The following CHCHD3 variants were observed in gnomAD, a reference collection of about 807,000 sequenced individuals.
CHCHD3 encodes coiled-coil-helix-coiled-coil-helix domain containing 3.
Under a neutral mutation model 38.2 loss-of-function variants are expected in CHCHD3, and 20 were observed. The ratio of observed to expected loss-of-function variants is 0.52; its 90% CI spans 0.37 to 0.76. The LOEUF (loss-of-function observed/expected upper bound fraction) is 0.76, where lower values mean the gene tolerates loss of function less well. Ranked by LOEUF, CHCHD3 falls within the 30% of genes least tolerant of loss-of-function variation. The pLI is 0.00. For synonymous variants in CHCHD3, 82 were observed against 100.0 expected, an observed-to-expected ratio of 0.82 and a Z score of 1.07; for missense variants, 245 against 279.2, an observed-to-expected ratio of 0.88 and a Z score of 0.87.
chr7:132,865,970 T>C (rs550945163), intron 5 of CHCHD3, among the ~76,000 whole-genome samples: 2 of 152,280 alleles, frequency 1.3e-5, no homozygotes, highest in East Asian at 3.9e-4. Flanking sequence ...AGTTTGCTGT[T>C]TACTCATATA....
chr7:133,051,035 T>G (rs1814148401), intron 2 of CHCHD3, among the ~76,000 whole-genome samples: 2 of 152,018 alleles, frequency 1.3e-5, no homozygotes, highest in Non-Finnish European at 2.9e-5. Flanking sequence ...AATAAAATCT[T>G]ATAATTACTG....
chr7:133,036,643 G>A (rs1813685492), intron 2 of CHCHD3, among the ~76,000 whole-genome samples: 1 of 152,170 alleles, frequency 6.6e-6, no homozygotes, highest in African/African-American at 2.4e-5. Context: ...GTGTTCTCCT[G>A]ACTACCCTCT....
chr7:133,045,851 C>T (rs1306636351), intron 2 of CHCHD3, among the ~76,000 whole-genome samples: 3 of 152,016 alleles, frequency 2.0e-5, no homozygotes, highest in Admixed American at 1.3e-4. Flanking sequence ...TGGCACCTCT[C>T]GCTGCCCCTC....
intron 5 of CHCHD3, among the ~76,000 whole-genome samples, chr7:132,866,608 A>G (rs1808631907): frequency 6.6e-6 from 1 of 152,214 alleles, no homozygotes; most frequent in African/African-American, 2.4e-5. Flanking sequence ...AATTTTTAAA[A>G]TACTTCAATA....
At chr7:133,032,337 G>A (rs543122644) in intron 2 of CHCHD3, among the ~76,000 whole-genome samples, 178 of 152,224 alleles carry the variant, frequency 1.2e-3, no homozygotes, top group African/African-American at 4.0e-3. Flanking sequence ...GGCTACTTAC[G>A]CATTAAAGTT....
intron 5 of CHCHD3, among the ~76,000 whole-genome samples, chr7:132,863,347 A>G (rs1407848099): frequency 2.6e-5 from 4 of 152,232 alleles, no homozygotes; most frequent in Non-Finnish European, 5.9e-5. Context: ...AATACTTTAA[A>G]TGGAAAATGT....
intron 4 of CHCHD3, among the ~76,000 whole-genome samples, chr7:132,898,015 GGTGA>G (rs1809548255): frequency 6.6e-6 from 1 of 152,038 alleles, no homozygotes; most frequent in South Asian, 2.1e-4. Context: ...AGACCTTCGC[GGTGA>G]GTGTTACAGC....
intron 5 of CHCHD3, among the ~76,000 whole-genome samples, chr7:132,877,857 G>A (rs1014727370): frequency 1.4e-4 from 22 of 152,236 alleles, no homozygotes; most frequent in African/African-American, 5.1e-4. Context: ...AGGTTGACAA[G>A]TGCAAACTAG....
At chr7:132,825,332 C>T (rs540064340) in intron 6 of CHCHD3, among the ~76,000 whole-genome samples, 2 of 152,288 alleles carry the variant, frequency 1.3e-5, no homozygotes, top group Admixed American at 1.3e-4. Context: ...CAGAAAAGAA[C>T]TCCCAAGACA....
intron 5 of CHCHD3, among the ~76,000 whole-genome samples, chr7:132,866,009 G>C (rs1030283498): frequency 1.3e-5 from 2 of 152,070 alleles, no homozygotes; most frequent in Non-Finnish European, 2.9e-5. Flanking sequence ...AGTTGATCAC[G>C]ACCCCTCATT....
At chr7:132,882,713 T>C (rs898253208) in intron 5 of CHCHD3, among the ~76,000 whole-genome samples, 2 of 152,082 alleles carry the variant, frequency 1.3e-5, no homozygotes, top group African/African-American at 4.8e-5. Context: ...TTCTTGAACC[T>C]GACAATAATT....
intron 3 of CHCHD3, among the ~76,000 whole-genome samples, chr7:133,008,103 T>C (rs886115934): frequency 3.9e-5 from 6 of 152,202 alleles, no homozygotes; most frequent in Admixed American, 3.9e-4. Context: ...ATAAGAATAG[T>C]GCAACCAATT....
At chr7:132,988,100 T>A (rs1368572701) in intron 3 of CHCHD3, among the ~76,000 whole-genome samples, 1 of 152,140 alleles carries the variant, frequency 6.6e-6, no homozygotes, top group Non-Finnish European at 1.5e-5. Context: ...TAGTTCAGTT[T>A]TTAGGGAGCC....
At chr7:132,911,401 G>A (rs1241843568) in intron 4 of CHCHD3, among the ~76,000 whole-genome samples, 2 of 152,114 alleles carry the variant, frequency 1.3e-5, no homozygotes, top group African/African-American at 4.8e-5. Flanking sequence ...GAAGGACAAG[G>A]ACTATTCATA....
chr7:133,027,361 G>A (rs114399703), intron 2 of CHCHD3, among the ~76,000 whole-genome samples: 1,843 of 110,488 alleles, frequency 0.017, 35 homozygotes, highest in African/African-American at 0.053. Flanking sequence ...TTAATAAGTT[G>A]TAAGAGAGAG....
At chr7:132,993,296 T>C (rs909712984) in intron 3 of CHCHD3, among the ~76,000 whole-genome samples, 20 of 152,206 alleles carry the variant, frequency 1.3e-4, no homozygotes. Context: ...CTTCCCTTTA[T>C]CTCCTTCTGG....
intron 5 of CHCHD3, among the ~76,000 whole-genome samples, chr7:132,863,387 G>T (rs540965307): frequency 1.3e-5 from 2 of 152,208 alleles, no homozygotes; most frequent in African/African-American, 4.8e-5. Flanking sequence ...TCAACAGTAG[G>T]CTTAAAATAT....
intron 6 of CHCHD3, among the ~76,000 whole-genome samples, chr7:132,812,004 T>C (rs1031716691): frequency 6.6e-6 from 1 of 152,064 alleles, no homozygotes; most frequent in East Asian, 1.9e-4. Flanking sequence ...ACCACATGTT[T>C]AAAACTGAAC....
At chr7:133,019,675 T>C (rs191343601) in intron 3 of CHCHD3, among the ~76,000 whole-genome samples, 1 of 152,280 alleles carries the variant, frequency 6.6e-6, no homozygotes, top group East Asian at 1.9e-4. Flanking sequence ...GTACAGTTAG[T>C]TCCAACATCA....
Sources: gnomAD v4.1 joint callset for allele counts (sites outside exome capture counted in the v4.1 genomes callset) on GRCh38, gnomAD v4.1.1 for gene constraint, MANE v1.5 for transcripts, NCBI Gene and HGNC (gene_info 2026-07-23, HGNC 2026-07-21) for gene names.